The following POU6F2 variants were observed in gnomAD, a reference collection of about 807,000 sequenced individuals.
POU6F2 encodes the protein POU domain, class 6, transcription factor 2.
POU6F2 carries 31 observed loss-of-function variants against 71.3 expected under a neutral mutation model. The ratio of observed to expected loss-of-function variants is 0.43; its 90% CI spans 0.33 to 0.59. The LOEUF (loss-of-function observed/expected upper bound fraction) is 0.59, where lower values mean the gene tolerates loss of function less well. Ranked by LOEUF, POU6F2 falls within the 20% of genes least tolerant of loss-of-function variation. The pLI is 0.04. For synonymous variants in POU6F2, 347 were observed against 355.7 expected (o/e 0.98, Z 0.27); for missense variants, 783 against 856.8 (o/e 0.91, Z 1.07).
At chr7:39,226,666 G>A (rs1794466024) in intron 4 of POU6F2, among the ~76,000 whole-genome samples, 1 of 152,184 alleles carries the variant, frequency 6.6e-6, no homozygotes, top group South Asian at 2.1e-4. Context: ...CATGTTAGCA[G>A]TATGGTAAAT....
chr7:39,171,428 T>C (rs184356831), intron 2 of POU6F2, among the ~76,000 whole-genome samples: 11 of 152,340 alleles, frequency 7.2e-5, no homozygotes, highest in Non-Finnish European at 1.5e-4. Context: ...TCAGAGCTCC[T>C]TTTAATCAGG....
intron 4 of POU6F2, among the ~76,000 whole-genome samples, chr7:39,244,173 A>C (rs913265115): frequency 1.3e-5 from 2 of 152,196 alleles, no homozygotes; most frequent in South Asian, 2.1e-4. Flanking sequence ...CATTTTTGTC[A>C]TGAGACATTA....
chr7:39,233,694 C>T (rs890626931), intron 4 of POU6F2, among the ~76,000 whole-genome samples: 1 of 152,128 alleles, frequency 6.6e-6, no homozygotes, highest in African/African-American at 2.4e-5. Context: ...TGATTGTTAG[C>T]GGACCCCCAG....
intron 1 of POU6F2, among the ~76,000 whole-genome samples, chr7:39,059,105 A>G (rs959512063): frequency 6.6e-6 from 1 of 152,204 alleles, no homozygotes; most frequent in Non-Finnish European, 1.5e-5. Context: ...GAAAGCTGAC[A>G]AAACAGCATG....
At chr7:39,360,079 A>G (rs1472228047) in intron 5 of POU6F2, among the ~76,000 whole-genome samples, 6 of 152,236 alleles carry the variant, frequency 3.9e-5, no homozygotes, top group African/African-American at 1.2e-4. Flanking sequence ...AACACAGAGA[A>G]TTTTTATATT....
At chr7:39,188,664 G>T (rs1436248808) in intron 2 of POU6F2, among the ~76,000 whole-genome samples, 1 of 152,152 alleles carries the variant, frequency 6.6e-6, no homozygotes. Flanking sequence ...CTGGTTACGG[G>T]ATTATGTGAA....
intron 4 of POU6F2, among the ~76,000 whole-genome samples, chr7:39,248,398 A>C (rs573641188): frequency 2.6e-5 from 4 of 152,210 alleles, no homozygotes; most frequent in Admixed American, 2.6e-4. Flanking sequence ...AAGGAAGGCC[A>C]GAGAATCATC....
At chr7:39,233,601 T>G (rs1385405854) in intron 4 of POU6F2, among the ~76,000 whole-genome samples, 1 of 152,116 alleles carries the variant, frequency 6.6e-6, no homozygotes, top group Admixed American at 6.5e-5. Flanking sequence ...TATGGCAAAG[T>G]GGAATTAGGA....
chr7:39,020,166 G>A (rs1426534406), intron 1 of POU6F2, among the ~76,000 whole-genome samples: 1 of 152,082 alleles, frequency 6.6e-6, no homozygotes, highest in Non-Finnish European at 1.5e-5. Flanking sequence ...AGAAGCCAGT[G>A]CCTTTGTAGT....
chr7:39,076,360 C>T (rs1791003378), intron 1 of POU6F2, among the ~76,000 whole-genome samples: 1 of 152,122 alleles, frequency 6.6e-6, no homozygotes, highest in Non-Finnish European at 1.5e-5. Flanking sequence ...ACATGTCTGC[C>T]TGCCAGGGAC....
chr7:39,374,499 G>A (rs1786672905), intron 5 of POU6F2, among the ~76,000 whole-genome samples: 1 of 152,138 alleles, frequency 6.6e-6, no homozygotes, highest in Non-Finnish European at 1.5e-5. Context: ...CTAATTACAG[G>A]TTTAAGGCAG....
At chr7:39,091,232 A>G (rs950495845) in intron 2 of POU6F2, among the ~76,000 whole-genome samples, 3 of 152,202 alleles carry the variant, frequency 2.0e-5, no homozygotes, top group Middle Eastern at 3.2e-3. Flanking sequence ...GCTCATTTCT[A>G]AGTGCACTTC....
intron 5 of POU6F2, among the ~76,000 whole-genome samples, chr7:39,397,373 A>C (rs1387762917): frequency 6.7e-6 from 1 of 148,188 alleles, no homozygotes; most frequent in Non-Finnish European, 1.5e-5. Flanking sequence ...AAATATATAG[A>C]GAGACAAATA....
chr7:39,316,574 T>C (rs1187198169), intron 4 of POU6F2, among the ~76,000 whole-genome samples: 1 of 152,166 alleles, frequency 6.6e-6, no homozygotes, highest in Non-Finnish European at 1.5e-5. Context: ...TACCCAGCAG[T>C]CCCCATGCTT....
chr7:39,015,697 T>TAACATAGA (rs368162504), intron 1 of POU6F2, among the ~76,000 whole-genome samples: 1 of 89,174 alleles, frequency 1.1e-5, no homozygotes, highest in Non-Finnish European at 2.1e-5. Flanking sequence ...TATCTATATA[T>TAACATAGA]TATATATATC....
chr7:39,207,679 AGTGG>A, intron 4 of POU6F2, 59 bp downstream of exon 4: 1 of 1,480,174 alleles, frequency 6.8e-7, no homozygotes, highest in Admixed American at 2.0e-5. Flanking sequence ...TATTCTCTGA[AGTGG>A]GCAAAAAAAA....
chr7:39,416,047 A>G (rs1222862337), intron 6 of POU6F2, among the ~76,000 whole-genome samples: 4 of 150,308 alleles, frequency 2.7e-5, no homozygotes, highest in Non-Finnish European at 5.9e-5. Context: ...GCAAATGGCA[A>G]TTGTAATTCT....
chr7:39,392,128 C>T (rs1158975448), intron 5 of POU6F2, among the ~76,000 whole-genome samples: 1 of 152,058 alleles, frequency 6.6e-6, no homozygotes, highest in Non-Finnish European at 1.5e-5. Context: ...TTTAGTAATC[C>T]CTCTAGGAGC....
In POU6F2 at chr7:39,433,144, G is replaced by T. The variant is rs747507681; in HGVS notation, c.1181G>T (p.Gly394Val). The T allele has an allele frequency of 6.2e-6, 10 of 1,613,446 alleles. No individual in the cohort carries two copies. The highest frequency in any genetic ancestry group is 1.6e-4 in the Middle Eastern group (1 of 6,076). Residue 394 changes from glycine (G) to valine (V), a missense_variant, in exon 7 of 10, where the codon GGC becomes GTC. This residue lies in a region of POU6F2 where 572 missense variants were observed against 572.9 expected (regional missense o/e 1.00). Coordinates refer to ENST00000518318, the MANE Select transcript of POU6F2 (RefSeq NM_001370959.1). The part of the protein sequence containing the change: ...PSSQAASGTQ[G>V]LQVQPITPQL... ...AGCCAAGCAGCAAGCGGCACTCAGG[G>T]CTTGCAAGTGCAGCCAATCACCCCC...
Sources: gnomAD v4.1 joint callset for allele counts (sites outside exome capture counted in the v4.1 genomes callset) on GRCh38, gnomAD v4.1.1 for gene constraint, gnomAD v4.1.1 regional missense constraint, MANE v1.5 for transcripts, NCBI Gene and HGNC (gene_info 2026-07-23, HGNC 2026-07-21) for gene names.